HERC1: variants seen among roughly 807,000 people sequenced by gnomAD.
The protein encoded by HERC1 is probable E3 ubiquitin-protein ligase HERC1.
In HERC1, 160 loss-of-function variants were observed where a neutral mutation model predicts 554.3. That is an observed-to-expected ratio of 0.29 (90% CI 0.25 to 0.33). The LOEUF (loss-of-function observed/expected upper bound fraction) is 0.33. Ranked by LOEUF, HERC1 falls within the 10% of genes least tolerant of loss-of-function variation. The probability of loss-of-function intolerance (pLI) is 1.00; values close to 1 mark genes in which losing one functional copy is unlikely to be tolerated. For missense variants in HERC1, 4,919 were observed against 5,918.5 expected (o/e 0.83, Z 5.54); for synonymous variants, 2,175 against 2,131.7 (o/e 1.02, Z -0.56).
chr15:63,618,750 T>C (rs1357827731), intron 74 of HERC1, among the ~76,000 whole-genome samples: 5 of 152,232 alleles, frequency 3.3e-5, no homozygotes, highest in Admixed American at 6.5e-5. Flanking sequence ...TATTTTATTC[T>C]CTTTGAAGCA....
At chr15:63,712,321 G>A (rs2073340174) in intron 24 of HERC1, among the ~76,000 whole-genome samples, 2 of 152,138 alleles carry the variant, frequency 1.3e-5, no homozygotes, top group Non-Finnish European at 2.9e-5. Context: ...ACACACTAAC[G>A]GTAAAATTTT....
At chr15:63,813,762 C>T (rs2145417693) in intron 1 of HERC1, among the ~76,000 whole-genome samples, 1 of 152,242 alleles carries the variant, frequency 6.6e-6, no homozygotes, top group Admixed American at 6.5e-5. Context: ...CTATCAATGT[C>T]CTCTTTCAAG....
In HERC1 at chr15:63,734,689, C is replaced by T. The variant is rs2074426679; in HGVS notation, c.2646+35G>A. 6.7e-7 allele frequency: 1 copy of T among 1,501,166 alleles called. No individual in the cohort carries two copies. The highest frequency in any genetic ancestry group is 2.5e-5 in the Admixed American group (1 of 39,886). The allele number at this position is 1,501,166 out of a possible 1,614,324, so 93.0% of individuals were successfully genotyped here. On this transcript the variant is annotated intron_variant, in intron 13 of 77. Coordinates refer to ENST00000443617, the MANE Select transcript of HERC1 (RefSeq NM_003922.4). The surrounding 1 kb of genome is among the most constrained non-coding windows in gnomAD (Gnocchi z 4.6). ...CTTCTCAGTCCAAATTTTTAGGATA[C>T]TACTGGTTTACTTACACAGCAAGCA...
chr15:63,754,782 A>G, intron 6 of HERC1, 134 bp from the exon 7 acceptor site: 1 of 872,010 alleles, frequency 1.1e-6, no homozygotes, highest in Non-Finnish European at 1.7e-6. Flanking sequence ...AATATGAAAA[A>G]CACAATCATT....
At chr15:63,700,399 G>C (rs1336716187) in intron 25 of HERC1, among the ~76,000 whole-genome samples, 2 of 151,466 alleles carry the variant, frequency 1.3e-5, no homozygotes, top group Non-Finnish European at 2.9e-5. Flanking sequence ...GAAAAGTTTG[G>C]GAAGATAACT....
chr15:63,651,174 C>T (rs1427398157), intron 53 of HERC1, 79 bp downstream of exon 53: 6 of 1,325,916 alleles, frequency 4.5e-6, no homozygotes, highest in Non-Finnish European at 5.3e-6. Context: ...AGAGAAACCA[C>T]TGTTTGGACT....
At chr15:63,778,827 G>C (rs906836860) in intron 1 of HERC1, among the ~76,000 whole-genome samples, 2 of 152,032 alleles carry the variant, frequency 1.3e-5, no homozygotes, top group Admixed American at 6.6e-5. Flanking sequence ...TGACGACAAA[G>C]CAAAGTGTAA....
intron 12 of HERC1, among the ~76,000 whole-genome samples, chr15:63,738,666 C>T (rs923284984): frequency 1.3e-5 from 2 of 152,054 alleles, no homozygotes; most frequent in African/African-American, 4.8e-5. Flanking sequence ...CTATAAGTTT[C>T]AGAAATAAGA....
intron 26 of HERC1, among the ~76,000 whole-genome samples, chr15:63,697,447 T>G (rs1423955064): frequency 7.4e-6 from 1 of 135,598 alleles, no homozygotes; most frequent in East Asian, 1.9e-4. Context: ...GATGTTAATC[T>G]TGATTTTTTT....
rs186009499 is a variant in HERC1, at chr15:63,760,716, C to G, written c.1027-2347G>C. On this transcript the variant is annotated intron_variant, in intron 3 of 77. Coordinates refer to ENST00000443617, the MANE Select transcript of HERC1 (RefSeq NM_003922.4). ...AAATCAGGCAAAGATCCAACATGCA[C>G]ATAATAGAAATCCCTAAAGAATAGA... 5.0e-4 allele frequency among the ~76,000 whole-genome samples: 76 copies of G among 151,938 alleles called. No individual in the cohort carries two copies. The East Asian group carries it at 0.011, about 22-fold the overall frequency.
At chr15:63,708,713 C>T (rs1196016682) in intron 24 of HERC1, among the ~76,000 whole-genome samples, 2 of 152,180 alleles carry the variant, frequency 1.3e-5, no homozygotes, top group Non-Finnish European at 2.9e-5. Context: ...AAAAGCATTT[C>T]ATTTACGAAC....
Position 63,694,093 on chromosome 15 carries a change from A to G in HERC1, c.5545T>C (p.Leu1849=). 6.2e-7 allele frequency: 1 copy of G among 1,610,742 alleles called. No homozygotes were observed. Among genetic ancestry groups the G allele is most frequent in the Non-Finnish European group, 8.5e-7 (1 of 1,178,416 alleles). The part of the protein sequence containing the change: ...QSLLDLLCSQ[L]KNLLSQTGVL... ...CCAGTTTGGGACAATAAATTCTTCA[A>G]CTGACTACAGAGTAGATCCAACAAG... Residue 1849 remains leucine (L), a synonymous_variant, in exon 30 of 78, where the codon TTG becomes CTG. Transcript: ENST00000443617. The surrounding 1 kb of genome is among the most constrained non-coding windows in gnomAD (Gnocchi z 4.3).
intron 8 of HERC1, among the ~76,000 whole-genome samples, chr15:63,751,373 C>T (rs2141859243): frequency 6.6e-6 from 1 of 152,310 alleles, no homozygotes; most frequent in South Asian, 2.1e-4. Flanking sequence ...GCTACACCAT[C>T]TAGGTTTGTG....
intron 74 of HERC1, among the ~76,000 whole-genome samples, chr15:63,621,255 C>T (rs529118951): frequency 9.9e-4 from 150 of 152,112 alleles, no homozygotes; most frequent in Non-Finnish European, 3.1e-4. Flanking sequence ...ACTTATGAAG[C>T]TTAGTTTGGC....
intron 1 of HERC1, among the ~76,000 whole-genome samples, chr15:63,801,522 A>G (rs2076987582): frequency 6.6e-6 from 1 of 152,192 alleles, no homozygotes; most frequent in African/African-American, 2.4e-5. Flanking sequence ...AGCAAAGACA[A>G]TCTTTCACAT....
chr15:63,776,600 G>C (rs1434982578), intron 1 of HERC1, among the ~76,000 whole-genome samples: 1 of 152,208 alleles, frequency 6.6e-6, no homozygotes, highest in African/African-American at 2.4e-5. Flanking sequence ...ACTGTGAGGA[G>C]CATGAGGACA....
chr15:63,797,610 C>T (rs1161607866), intron 1 of HERC1, among the ~76,000 whole-genome samples: 1 of 152,156 alleles, frequency 6.6e-6, no homozygotes, highest in Non-Finnish European at 1.5e-5. Flanking sequence ...ACCCTAAACT[C>T]CAAGCCTTTG....
intron 7 of HERC1, 100 bp from the exon 8 acceptor site, chr15:63,753,185 T>C (rs2141927154): frequency 3.9e-6 from 3 of 765,620 alleles, no homozygotes; most frequent in Non-Finnish European, 5.6e-6. Context: ...TTTCCATCAC[T>C]AACCTGGCAG....
intron 70 of HERC1, among the ~76,000 whole-genome samples, chr15:63,627,199 C>A (rs915945093): frequency 4.6e-5 from 7 of 152,206 alleles, no homozygotes; most frequent in Middle Eastern, 3.2e-3. Context: ...GGAATTCCCA[C>A]TTTTCTCTCT....
Sources: gnomAD v4.1 joint callset for allele counts (sites outside exome capture counted in the v4.1 genomes callset) on GRCh38, gnomAD v4.1.1 for gene constraint, Gnocchi (gnomAD v3.1) non-coding constraint, MANE v1.5 for transcripts, NCBI Gene and HGNC (gene_info 2026-07-23, HGNC 2026-07-21) for gene names.